The following CCDC73 variants were observed in gnomAD, a reference collection of about 807,000 sequenced individuals.
CCDC73 encodes the protein coiled-coil domain containing 73.
CCDC73 carries 95 observed loss-of-function variants against 116.5 expected under a neutral mutation model. That is an observed-to-expected ratio of 0.82 (90% CI 0.69 to 0.97). The LOEUF is 0.97. Among genes scored for constraint, CCDC73 ranks in the 50% least tolerant of loss-of-function variants. The probability of loss-of-function intolerance (pLI) is 0.00; values close to 1 mark genes in which losing one functional copy is unlikely to be tolerated. For missense variants in CCDC73, 1,066 were observed against 1,206.8 expected (o/e 0.88, Z 1.73); for synonymous variants, 398 against 401.3 (o/e 0.99, Z 0.10).
intron 2 of CCDC73, among the ~76,000 whole-genome samples, chr11:32,749,841 C>A (rs1324015385): frequency 1.3e-5 from 2 of 151,452 alleles, no homozygotes; most frequent in Non-Finnish European, 2.9e-5. Context: ...AATTACCAAG[C>A]AGGGACTCAT....
intron 2 of CCDC73, among the ~76,000 whole-genome samples, chr11:32,722,004 C>T (rs977707523): frequency 3.9e-5 from 6 of 152,138 alleles, no homozygotes; most frequent in African/African-American, 9.7e-5. Context: ...TCATTTAGAA[C>T]GTTTTTAGCC....
At chr11:32,817,544 C>CT in the CCDC73 span, among the ~76,000 whole-genome samples, 1 of 152,228 alleles carries the variant, frequency 6.6e-6, no homozygotes, top group African/African-American at 2.4e-5. Context: ...TGAACAGTCT[C>CT]TGTCTCCACT....
chr11:32,634,762 A>C (rs1211479645), intron 14 of CCDC73, among the ~76,000 whole-genome samples: 1 of 152,184 alleles, frequency 6.6e-6, no homozygotes, highest in Non-Finnish European at 1.5e-5. Context: ...AAACCCCCAA[A>C]GTTCAACGAA....
intron 2 of CCDC73, among the ~76,000 whole-genome samples, chr11:32,742,884 T>G (rs1259629186): frequency 6.6e-6 from 1 of 152,186 alleles, no homozygotes; most frequent in Non-Finnish European, 1.5e-5. Flanking sequence ...GGCTAGCCAG[T>G]TTTCCCAACA....
chr11:32,730,677 G>A (rs752215479), intron 2 of CCDC73, among the ~76,000 whole-genome samples: 10 of 152,122 alleles, frequency 6.6e-5, no homozygotes, highest in Non-Finnish European at 1.5e-4. Context: ...AGAGCTTCTT[G>A]AAACTCTGGG....
chr11:32,730,419 A>AT (rs916828608), intron 2 of CCDC73, among the ~76,000 whole-genome samples: 12 of 151,984 alleles, frequency 7.9e-5, no homozygotes, highest in Non-Finnish European at 1.2e-4. Context: ...ATTTTTGAGG[A>AT]TTTTTTTGCT....
chr11:32,628,627 C>A (rs147846976), intron 14 of CCDC73, among the ~76,000 whole-genome samples: 1 of 152,242 alleles, frequency 6.6e-6, no homozygotes, highest in Non-Finnish European at 1.5e-5. Flanking sequence ...ATTCTAGATG[C>A]TTCCATAAGT....
At chr11:32,725,579 C>CG (rs1212072983) in intron 2 of CCDC73, among the ~76,000 whole-genome samples, 16 of 152,088 alleles carry the variant, frequency 1.1e-4, no homozygotes, top group Non-Finnish European at 2.2e-4. Context: ...CTCAATTTTA[C>CG]GTTAACTTTA....
At chr11:32,717,233 T>G (rs1170974206) in intron 3 of CCDC73, among the ~76,000 whole-genome samples, 1 of 152,222 alleles carries the variant, frequency 6.6e-6, no homozygotes, top group African/African-American at 2.4e-5. Flanking sequence ...AATTACACTT[T>G]CAGGTTTTAG....
At chr11:32,765,768 A>G (rs1243819892) in intron 1 of CCDC73, among the ~76,000 whole-genome samples, 2 of 152,180 alleles carry the variant, frequency 1.3e-5, no homozygotes, top group South Asian at 2.1e-4. Flanking sequence ...AAGAAGTTGA[A>G]TCTCTGAATA....
At chr11:32,686,631 A>C (rs1856204539) in intron 6 of CCDC73, among the ~76,000 whole-genome samples, 1 of 152,164 alleles carries the variant, frequency 6.6e-6, no homozygotes, top group South Asian at 2.1e-4. Context: ...ATAAAACTAC[A>C]TCTAGAGCAA....
intron 2 of CCDC73, among the ~76,000 whole-genome samples, chr11:32,745,115 C>T (rs976712068): frequency 6.6e-6 from 1 of 152,188 alleles, no homozygotes; most frequent in Non-Finnish European, 1.5e-5. Context: ...TCTTTGTTCT[C>T]ATTGGTTTCA....
At chr11:32,781,907 C>T (rs557612190) in intron 1 of CCDC73, among the ~76,000 whole-genome samples, 3 of 152,238 alleles carry the variant, frequency 2.0e-5, no homozygotes, top group East Asian at 1.9e-4. Context: ...CCCCAGGCCA[C>T]GCAGCAGGAG....
At chr11:32,723,239 C>T (rs1201471162) in intron 2 of CCDC73, among the ~76,000 whole-genome samples, 1 of 152,010 alleles carries the variant, frequency 6.6e-6, no homozygotes, top group African/African-American at 2.4e-5. Context: ...GTAAGAATTG[C>T]TATGAATTTT....
intron 7 of CCDC73, among the ~76,000 whole-genome samples, chr11:32,677,975 A>C (rs1216513599): frequency 6.8e-6 from 1 of 147,030 alleles, no homozygotes; most frequent in Admixed American, 6.8e-5. Context: ...AAAAAAAAAA[A>C]AAAACCCACA....
chr11:32,673,834 A>T (rs1295106649), intron 9 of CCDC73, among the ~76,000 whole-genome samples: 1 of 152,240 alleles, frequency 6.6e-6, no homozygotes, highest in Non-Finnish European at 1.5e-5. Flanking sequence ...TCCACTGACT[A>T]GCAGCACTGT....
At chr11:32,703,016 G>T (rs901660914) in intron 3 of CCDC73, 72 bp from the exon 4 acceptor site, 1 of 1,008,130 alleles carries the variant, frequency 9.9e-7, no homozygotes, top group South Asian at 1.3e-5. Context: ...TCTTAACTAG[G>T]TTCACAATTT....
chr11:32,724,036 C>T (rs1039995272), intron 2 of CCDC73, among the ~76,000 whole-genome samples: 2 of 152,026 alleles, frequency 1.3e-5, no homozygotes, highest in African/African-American at 4.8e-5. Flanking sequence ...GTGGCTAACA[C>T]CCATTTTATC....
intron 17 of CCDC73, among the ~76,000 whole-genome samples, chr11:32,609,703 G>A (rs1855395775): frequency 6.6e-6 from 1 of 152,120 alleles, no homozygotes; most frequent in African/African-American, 2.4e-5. Context: ...CCCAAGACTG[G>A]GAAGAAAAAC....
Sources: gnomAD v4.1 joint callset for allele counts (sites outside exome capture counted in the v4.1 genomes callset) on GRCh38, gnomAD v4.1.1 for gene constraint, MANE v1.5 for transcripts, NCBI Gene and HGNC (gene_info 2026-07-23, HGNC 2026-07-21) for gene names.